SLC7A14: variants seen among roughly 807,000 people sequenced by gnomAD.
SLC7A14 encodes solute carrier family 7 member 14, also known as gamma-aminobutyric acid transporter SLC7A14.
In SLC7A14, 37 loss-of-function variants were observed where a neutral mutation model predicts 60.2. That is an observed-to-expected ratio of 0.61 (90% CI 0.47 to 0.81). SLC7A14 has a LOEUF of 0.81. Among genes scored for constraint, SLC7A14 ranks in the 30% least tolerant of loss-of-function variants. The probability of loss-of-function intolerance (pLI) is 0.00; values close to 1 mark genes in which losing one functional copy is unlikely to be tolerated. For missense variants in SLC7A14, 886 were observed against 982.7 expected (o/e 0.90, Z 1.32); for synonymous variants, 399 against 395.8 (o/e 1.01, Z -0.10).
chr3:170,497,107 AAAAG>A (rs1553867120), intron 4 of SLC7A14, among the ~76,000 whole-genome samples: 9 of 142,782 alleles, frequency 6.3e-5, no homozygotes, highest in Non-Finnish European at 1.3e-4. Flanking sequence ...AAAAAAAAAA[AAAAG>A]AAAGAAAGAA....
chr3:170,514,269 C>G (rs1182338715), intron 2 of SLC7A14, among the ~76,000 whole-genome samples: 1 of 152,252 alleles, frequency 6.6e-6, no homozygotes, highest in Non-Finnish European at 1.5e-5. Context: ...CTCAGAAAGT[C>G]TGCTGTGCAG....
intron 7 of SLC7A14, among the ~76,000 whole-genome samples, chr3:170,476,193 G>T (rs992321706): frequency 6.6e-6 from 1 of 152,202 alleles, no homozygotes; most frequent in African/African-American, 2.4e-5. Flanking sequence ...AATCTCTGTT[G>T]TGGAAGCCTG....
chr3:170,525,857 GGTCAGGAGTAC>G (rs1338737678), intron 2 of SLC7A14, among the ~76,000 whole-genome samples: 9 of 152,110 alleles, frequency 5.9e-5, no homozygotes, highest in African/African-American at 1.9e-4. Context: ...CAAAGTGCGG[GGTCAGGAGTAC>G]GACAGCAGCC....
chr3:170,577,385 G>A (rs545923224), intron 1 of SLC7A14, among the ~76,000 whole-genome samples: 5 of 151,938 alleles, frequency 3.3e-5, no homozygotes, highest in Admixed American at 6.6e-5. Flanking sequence ...TTGGGAGGCC[G>A]AGGCGGGTGG....
At chr3:170,541,658 A>C (rs960853380) in intron 1 of SLC7A14, among the ~76,000 whole-genome samples, 4 of 152,196 alleles carry the variant, frequency 2.6e-5, no homozygotes, top group African/African-American at 7.2e-5. Context: ...CAACTACAGC[A>C]ATAAAAAATA....
chr3:170,536,962 C>G (rs1713867477), intron 1 of SLC7A14, among the ~76,000 whole-genome samples: 1 of 152,092 alleles, frequency 6.6e-6, no homozygotes, highest in African/African-American at 2.4e-5. Context: ...GGCTGGATGC[C>G]CATCTCAGCA....
chr3:170,529,197 A>G (rs1251257338), intron 1 of SLC7A14, among the ~76,000 whole-genome samples: 1 of 152,206 alleles, frequency 6.6e-6, no homozygotes, highest in Non-Finnish European at 1.5e-5. Context: ...GCTAGCTACA[A>G]CTTGATTTAT....
chr3:170,552,626 C>T lies in SLC7A14; in HGVS notation c.-152-25538G>A, dbSNP rs142308645. ...CTCTGACAACTAAATGACACTGTGTCCCCCAACTGTTTTGACAGTCAAGAC... is the reference window on the plus strand; with the variant it reads ...CTCTGACAACTAAATGACACTGTGTTCCCCAACTGTTTTGACAGTCAAGAC... On this transcript the variant is annotated intron_variant, in intron 1 of 7. Transcript: ENST00000231706. Among the ~76,000 whole-genome samples the T allele has an allele frequency of 2.8e-4, 43 of 152,262 alleles. No individual in the cohort carries two copies. The East Asian group carries it at 7.1e-3, about 25-fold the overall frequency.
chr3:170,577,779 G>A (rs1204581954), intron 1 of SLC7A14, among the ~76,000 whole-genome samples: 2 of 152,186 alleles, frequency 1.3e-5, no homozygotes, highest in Non-Finnish European at 2.9e-5. Context: ...TACTGTCAGA[G>A]CATTCTCAGC....
At chr3:170,475,024 C>G (rs1419653425) in intron 7 of SLC7A14, among the ~76,000 whole-genome samples, 2 of 152,236 alleles carry the variant, frequency 1.3e-5, no homozygotes, top group Admixed American at 1.3e-4. Flanking sequence ...AGACTCTGCC[C>G]AACCCCTTGA....
intron 1 of SLC7A14, among the ~76,000 whole-genome samples, chr3:170,542,253 G>A (rs777624264): frequency 5.3e-5 from 8 of 152,158 alleles, no homozygotes; most frequent in East Asian, 1.9e-4. Context: ...CCTCAGTTTC[G>A]TGACATTGGT....
At chr3:170,488,285 C>T (rs1712101232) in intron 4 of SLC7A14, among the ~76,000 whole-genome samples, 1 of 152,004 alleles carries the variant, frequency 6.6e-6, no homozygotes, top group Non-Finnish European at 1.5e-5. Context: ...ACAAGCAGTT[C>T]CATCTCTAGA....
In SLC7A14 at chr3:170,501,256, C is replaced by T. The variant is rs774481586; in HGVS notation, c.394G>A (p.Ala132Thr). 1 of 1,614,184 alleles carries T rather than the reference C, an allele frequency of 6.2e-7. No homozygotes were observed. Among genetic ancestry groups the T allele is most frequent in the Non-Finnish European group, 8.5e-7 (1 of 1,180,018 alleles). The change falls in exon 3 of 8, where the codon GCA becomes ACA. Residue 132 changes from alanine (A) to threonine (T), a missense_variant. By Grantham distance (58) the Ala-to-Thr change is moderately conservative. Coordinates refer to ENST00000231706, the MANE Select transcript of SLC7A14 (RefSeq NM_020949.3). ...ATCAGGTTCCAGCCAATGAAAAATG[C>T]CACAAATTCCCCAACAGTGACATAG... is the stretch of plus-strand genomic sequence containing the variant. ...YSYVTVGEFV[A>T]FFIGWNLILE...
At chr3:170,497,464 C>T (rs1014697296) in intron 4 of SLC7A14, among the ~76,000 whole-genome samples, 1 of 152,270 alleles carries the variant, frequency 6.6e-6, no homozygotes, top group African/African-American at 2.4e-5. Flanking sequence ...TTTGAGTGTT[C>T]TCCAAGAAAC....
chr3:170,567,858 T>C, intron 1 of SLC7A14, among the ~76,000 whole-genome samples: 1 of 151,268 alleles, frequency 6.6e-6, no homozygotes, highest in Non-Finnish European at 1.5e-5. Context: ...ATGGGGTTGT[T>C]TTTTTTTTCT....
chr3:170,501,210 G>A lies in SLC7A14; in HGVS notation c.440C>T (p.Thr147Ile). The A allele has an allele frequency of 6.2e-7, 1 of 1,614,242 alleles. No homozygotes were observed. Among genetic ancestry groups the A allele is most frequent in the African/African-American group, 1.3e-5 (1 of 75,062 alleles). The change falls in exon 3 of 8, where the codon ACT becomes ATT. Residue 147 changes from threonine (T) to isoleucine (I), a missense_variant. By Grantham distance (89) the Thr-to-Ile change is moderately conservative. Coordinates refer to ENST00000231706, the MANE Select transcript of SLC7A14 (RefSeq NM_020949.3). Reference protein sequence around the residue: ...WNLILEYLIGTAAGASALSSM... With the variant: ...WNLILEYLIGIAAGASALSSM... ...GCTCAGAGCACTGGCTCCGGCCGCA[G>A]TGCCAATCAGGTACTCCAGGATCAG...
chr3:170,494,744 T>C (rs10936637), intron 4 of SLC7A14, among the ~76,000 whole-genome samples: 55,241 of 152,172 alleles, frequency 0.36, 11,284 homozygotes, highest in African/African-American at 0.57. Context: ...ACAATGCATA[T>C]GCAGCCTGGG....
At chr3:170,513,923 G>T (rs1713066607) in intron 2 of SLC7A14, among the ~76,000 whole-genome samples, 3 of 152,190 alleles carry the variant, frequency 2.0e-5, no homozygotes, top group Non-Finnish European at 2.9e-5. Context: ...GTTCCCTTGT[G>T]TAAGAATCTG....
In SLC7A14 at chr3:170,480,789, T is replaced by A. The variant is rs781240647; in HGVS notation, c.1493A>T (p.Lys498Ile). 1 of 1,614,182 alleles carries A rather than the reference T, an allele frequency of 6.2e-7. No individual in the cohort carries two copies. The highest frequency in any genetic ancestry group is 1.3e-5 in the African/African-American group (1 of 75,052). The part of the protein sequence containing the change: ...SLGDNEMLIG[K>I]SDKSTYNVNH... Reference sequence around the variant, plus strand: ...GACGTTGTAGGTTGACTTGTCTGATTTCCCTATGAGCATCTCATTGTCTCC... The same window carrying A: ...GACGTTGTAGGTTGACTTGTCTGATATCCCTATGAGCATCTCATTGTCTCC... Residue 498 changes from lysine (K) to isoleucine (I), a missense_variant, in exon 7 of 8, where the codon AAA becomes ATA. Lys to Ile is a moderately radical substitution (Grantham distance 102). Transcript: ENST00000231706.
Sources: gnomAD v4.1 joint callset for allele counts (sites outside exome capture counted in the v4.1 genomes callset) on GRCh38, gnomAD v4.1.1 for gene constraint, MANE v1.5 for transcripts, NCBI Gene and HGNC (gene_info 2026-07-23, HGNC 2026-07-21) for gene names.